RXRA: variants seen among roughly 807,000 people sequenced by gnomAD.
RXRA encodes the protein retinoic acid receptor RXR-alpha.
A neutral mutation model predicts 44.5 loss-of-function variants in RXRA; 5 were observed. That is an observed-to-expected ratio of 0.11 (90% CI 0.06 to 0.24). The LOEUF (loss-of-function observed/expected upper bound fraction) is 0.24. RXRA is among the 10% of genes least tolerant of loss of function. RXRA has a pLI of 1.00. For missense variants in RXRA, 412 were observed against 646.5 expected (o/e 0.64, Z 3.93); for synonymous variants, 291 against 271.4 (o/e 1.07, Z -0.71).
chr9:134,390,282 G>A (rs1246498340), intron 1 of RXRA, among the ~76,000 whole-genome samples: 2 of 152,162 alleles, frequency 1.3e-5, no homozygotes, highest in Non-Finnish European at 2.9e-5. Flanking sequence ...CCCAGGCCAG[G>A]CTAAAGCCAG....
intron 1 of RXRA, among the ~76,000 whole-genome samples, chr9:134,383,759 G>A (rs1830679919): frequency 6.6e-6 from 1 of 152,162 alleles, no homozygotes; most frequent in Non-Finnish European, 1.5e-5. Flanking sequence ...ATGAGGACGG[G>A]TAGGTGGGCT....
chr9:134,358,047 C>T (rs759803816), intron 1 of RXRA, among the ~76,000 whole-genome samples: 8 of 152,250 alleles, frequency 5.3e-5, no homozygotes, highest in African/African-American at 9.6e-5. Flanking sequence ...CCCTGCTGCT[C>T]GCTGGCCCGA....
intron 2 of RXRA, chr9:134,405,998 A>C (rs968499600): frequency 6.6e-6 from 1 of 152,266 alleles, no homozygotes; most frequent in African/African-American, 2.4e-5. Flanking sequence ...AGGAAGCTTG[A>C]GTGCTCACTG....
intron 1 of RXRA, among the ~76,000 whole-genome samples, chr9:134,388,196 T>G (rs566011525): frequency 6.6e-6 from 1 of 152,206 alleles, no homozygotes; most frequent in East Asian, 1.9e-4. Context: ...GCTGTTAGAC[T>G]GTGCACTTCC....
intron 1 of RXRA, among the ~76,000 whole-genome samples, chr9:134,370,476 C>T (rs1265226033): frequency 1.3e-5 from 2 of 152,246 alleles, no homozygotes; most frequent in Admixed American, 1.3e-4. Context: ...TGTCTCTCGC[C>T]GTGGGGCATC....
intron 5 of RXRA, among the ~76,000 whole-genome samples, chr9:134,420,435 C>T (rs558865896): frequency 3.9e-5 from 6 of 152,274 alleles, no homozygotes; most frequent in East Asian, 3.9e-4. Flanking sequence ...CCCACTCAGC[C>T]GAGGGATCCC....
chr9:134,419,136 C>T (rs1295709594), intron 5 of RXRA, among the ~76,000 whole-genome samples: 3 of 152,366 alleles, frequency 2.0e-5, no homozygotes, highest in Middle Eastern at 6.8e-3. Flanking sequence ...CACAGACCCA[C>T]CCCCAGCCCT....
intron 1 of RXRA, among the ~76,000 whole-genome samples, chr9:134,387,242 CT>C (rs1830733613): frequency 6.6e-6 from 1 of 152,264 alleles, no homozygotes; most frequent in Non-Finnish European, 1.5e-5. Flanking sequence ...TTTCTTTTTC[CT>C]GGCAAGGACG....
intron 2 of RXRA, chr9:134,405,533 G>C: frequency 6.6e-6 from 1 of 152,340 alleles, no homozygotes; most frequent in East Asian, 1.9e-4. Flanking sequence ...CCCGGCCAGG[G>C]CTGCTCTGGT....
intron 5 of RXRA, among the ~76,000 whole-genome samples, chr9:134,420,247 C>T (rs1055751160): frequency 7.2e-5 from 11 of 152,230 alleles, no homozygotes; most frequent in African/African-American, 2.4e-4. Context: ...AAGGATGGGC[C>T]CCTTTCAGCC....
Position 134,417,399 on chromosome 9 carries a change from C to T in RXRA, c.780+72C>T. On this transcript the variant is annotated intron_variant, in intron 5 of 9. Coordinates refer to ENST00000481739, the MANE Select transcript of RXRA (RefSeq NM_002957.6). This position sits in a 1 kb window ranked among gnomAD's most constrained non-coding sequence, Gnocchi z 6.1. ...TTCCCTCACTCACTCACCCTCCCAC[C>T]TGAGCAGCTGATGAGCCAGAGAGGT... The T allele has an allele frequency of 6.5e-7, 1 of 1,534,134 alleles. No homozygotes were observed. The highest frequency in any genetic ancestry group is 8.9e-7 in the Non-Finnish European group (1 of 1,127,856).
chr9:134,385,455 G>A (rs1189850145), intron 1 of RXRA, among the ~76,000 whole-genome samples: 1 of 152,180 alleles, frequency 6.6e-6, no homozygotes, highest in Non-Finnish European at 1.5e-5. Flanking sequence ...CTCCATTCCG[G>A]CCCCTGCCTT....
At chr9:134,430,595 G>A (rs1421942671) in intron 7 of RXRA, among the ~76,000 whole-genome samples, 1 of 152,080 alleles carries the variant, frequency 6.6e-6, no homozygotes, top group Non-Finnish European at 1.5e-5. Flanking sequence ...GAGGGTCTTT[G>A]CCGCAGGACT....
chr9:134,400,459 A>G (rs1005919290), intron 1 of RXRA, among the ~76,000 whole-genome samples: 5 of 152,190 alleles, frequency 3.3e-5, no homozygotes, highest in Non-Finnish European at 5.9e-5. Context: ...CATTCTGCAG[A>G]TGGGAAGGCT....
chr9:134,394,783 C>T (rs1378128367), intron 1 of RXRA, among the ~76,000 whole-genome samples: 1 of 152,174 alleles, frequency 6.6e-6, no homozygotes, highest in Non-Finnish European at 1.5e-5. Context: ...ACTGGGGAAA[C>T]TGGACAAGGT....
rs150451173 is a variant in RXRA at position 134,418,149 on chromosome 9, C to T, written c.780+822C>T. On this transcript the variant is annotated intron_variant, in intron 5 of 9. Coordinates refer to ENST00000481739, the MANE Select transcript of RXRA (RefSeq NM_002957.6). ...CTAAGGCCTAGGAACCTGTGCTGCT[C>T]GGGAACCATTGCTCCCTGGTGAGCT... is the stretch of plus-strand genomic sequence containing the variant. Among the ~76,000 whole-genome samples, 359 of 152,282 alleles carry T rather than the reference C, an allele frequency of 2.4e-3. 1 individual carries two copies. The highest frequency in any genetic ancestry group is 7.6e-3 in the African/African-American group (317 of 41,558).
At chr9:134,352,087 G>A (rs1382241550) in intron 1 of RXRA, among the ~76,000 whole-genome samples, 3 of 152,214 alleles carry the variant, frequency 2.0e-5, no homozygotes, top group Admixed American at 6.5e-5. Flanking sequence ...GGCTGCGGGA[G>A]TCAGAGGCTG....
intron 4 of RXRA, among the ~76,000 whole-genome samples, chr9:134,412,702 G>A (rs904795559): frequency 2.0e-5 from 3 of 152,192 alleles, no homozygotes; most frequent in South Asian, 2.1e-4. Flanking sequence ...TGCTGAAGCC[G>A]GGGAGGGGGC....
At chr9:134,384,078 C>T (rs1332326258) in intron 1 of RXRA, among the ~76,000 whole-genome samples, 5 of 152,114 alleles carry the variant, frequency 3.3e-5, no homozygotes, top group Non-Finnish European at 5.9e-5. Context: ...CACTGTCACT[C>T]AGGTGGGGAG....
Sources: gnomAD v4.1 joint callset for allele counts (sites outside exome capture counted in the v4.1 genomes callset) on GRCh38, gnomAD v4.1.1 for gene constraint, Gnocchi (gnomAD v3.1) non-coding constraint, MANE v1.5 for transcripts, NCBI Gene and HGNC (gene_info 2026-07-23, HGNC 2026-07-21) for gene names.